FGFR1OP2: variants seen among roughly 807,000 people sequenced by gnomAD.
FGFR1OP2 encodes FGFR1 oncogene partner 2, also known as fibroblast growth factor receptor 1 oncogene partner 2.
A neutral mutation model predicts 35.2 loss-of-function variants in FGFR1OP2; 17 were observed. The observed-to-expected ratio is 0.48, with a 90% CI of 0.33 to 0.73. FGFR1OP2 has a LOEUF of 0.73. Ranked by LOEUF, FGFR1OP2 falls within the 30% of genes least tolerant of loss-of-function variation. The pLI is 0.02. For synonymous variants in FGFR1OP2, 105 were observed against 104.6 expected (o/e 1.00, Z -0.03); for missense variants, 251 against 307.3 (o/e 0.82, Z 1.37).
chr12:26,960,760 C>T (rs1320926625), intron 5 of FGFR1OP2, 132 bp downstream of exon 5: 2 of 1,349,072 alleles, frequency 1.5e-6, no homozygotes, highest in East Asian at 2.7e-5. Flanking sequence ...AATGTTGTGT[C>T]TTTAATAGCC....
chr12:26,951,727 A>G (rs1404970018), intron 1 of FGFR1OP2, among the ~76,000 whole-genome samples: 1 of 152,200 alleles, frequency 6.6e-6, no homozygotes, highest in Non-Finnish European at 1.5e-5. Context: ...TTATGTAGGA[A>G]GACTATCTAG....
chr12:26,946,850 C>G lies in FGFR1OP2; in HGVS notation c.-14-7295C>G, dbSNP rs11048781. Among the ~76,000 whole-genome samples, 1,198 of 152,286 alleles carry G rather than the reference C, an allele frequency of 7.9e-3. 17 individuals are homozygous for G. The highest frequency in any genetic ancestry group is 0.026 in the African/African-American group (1,100 of 41,548). On this transcript the variant is annotated intron_variant, in intron 1 of 6. Transcript: ENST00000229395. The stretch of plus-strand genomic sequence containing the variant: ...TTCCTCCTTCCTTTTCCTAATCCCT[C>G]AGTCCTAGACATCCACTAATCTACT...
chr12:26,945,957 A>T (rs1040181126), intron 1 of FGFR1OP2, among the ~76,000 whole-genome samples: 5 of 152,094 alleles, frequency 3.3e-5, no homozygotes, highest in Admixed American at 3.3e-4. Context: ...TATCCTCATG[A>T]ATATCTTGAG....
intron 1 of FGFR1OP2, among the ~76,000 whole-genome samples, chr12:26,939,268 C>T (rs992198283): frequency 5.9e-5 from 9 of 151,824 alleles, no homozygotes; most frequent in Non-Finnish European, 1.3e-4. Context: ...GTGCGGTTGC[C>T]CCCTCTGCCC....
In FGFR1OP2 at chr12:26,965,775, G is replaced by A. The variant is rs142600914; in HGVS notation, c.*1042G>A. ...TTAAAACCTTTCAGCTGAAAGTGGG[G>A]GTAAAGGTGGAGTAATCTGTGGATT... On this transcript the variant is annotated 3_prime_UTR_variant, in exon 7 of 7. Transcript: ENST00000229395. 2.7e-3 allele frequency: 405 copies of A among 152,014 alleles called. 2 individuals are homozygous for A. The highest frequency in any genetic ancestry group is 9.3e-3 in the African/African-American group (386 of 41,518). 9.4% of individuals were successfully genotyped at this position (152,014 alleles called of 1,614,324 possible). A position where few individuals can be genotyped will look rare whatever the true frequency, so the allele number is the denominator to read the frequency against.
chr12:26,956,500 A>G, intron 2 of FGFR1OP2, 43 bp from the exon 3 acceptor site: 1 of 494,398 alleles, frequency 2.0e-6, no homozygotes. Flanking sequence ...ATATATATAT[A>G]TTTGCAGGTA....
At chr12:26,962,468 A>G (rs561082369) in intron 5 of FGFR1OP2, 2 of 152,270 alleles carry the variant, frequency 1.3e-5, no homozygotes, top group South Asian at 4.1e-4. Context: ...AATACCTCTC[A>G]GTTGCTGTGA....
At chr12:26,961,942 C>G (rs1939111128) in intron 5 of FGFR1OP2, 1 of 152,162 alleles carries the variant, frequency 6.6e-6, no homozygotes, top group African/African-American at 2.4e-5. Context: ...TAATGGTTAA[C>G]TTGCAGAATA....
In FGFR1OP2 at chr12:26,944,001, T is replaced by C. The variant is rs546308427; in HGVS notation, c.-15+5291T>C. ...GTGCCCAGGAATCTCAGGGTTTGTTTTTTGTGTTTTTTTGTTGTTGTTGTT... is the reference window on the plus strand; with the variant it reads ...GTGCCCAGGAATCTCAGGGTTTGTTCTTTGTGTTTTTTTGTTGTTGTTGTT... On this transcript the variant is annotated intron_variant, in intron 1 of 6. Coordinates refer to ENST00000229395, the MANE Select transcript of FGFR1OP2 (RefSeq NM_015633.3). Among the ~76,000 whole-genome samples, 3 of 152,312 alleles carry C rather than the reference T, an allele frequency of 2.0e-5. No individual in the cohort carries two copies. In the South Asian group the frequency reaches 6.2e-4, roughly 32 times the overall value.
intron 1 of FGFR1OP2, among the ~76,000 whole-genome samples, chr12:26,946,536 C>T (rs1368560534): frequency 6.6e-6 from 1 of 152,056 alleles, no homozygotes; most frequent in Non-Finnish European, 1.5e-5. Context: ...GTTCTGGAAC[C>T]CCTGGCTTCA....
chr12:26,940,122 A>G (rs1488430352), intron 1 of FGFR1OP2, among the ~76,000 whole-genome samples: 1 of 152,254 alleles, frequency 6.6e-6, no homozygotes, highest in Non-Finnish European at 1.5e-5. Context: ...GACTACAGAC[A>G]GTGCTTGGAG....
At chr12:26,955,383 G>T (rs1293158249) in intron 2 of FGFR1OP2, among the ~76,000 whole-genome samples, 1 of 152,082 alleles carries the variant, frequency 6.6e-6, no homozygotes. Flanking sequence ...CAGTTCATTG[G>T]ATTTTAGTAC....
chr12:26,952,870 G>A (rs539298890), intron 1 of FGFR1OP2, among the ~76,000 whole-genome samples: 1 of 152,224 alleles, frequency 6.6e-6, no homozygotes, highest in South Asian at 2.1e-4. Flanking sequence ...TTCTGTAGAC[G>A]TGGCTTCTGG....
intron 1 of FGFR1OP2, among the ~76,000 whole-genome samples, chr12:26,950,324 G>A (rs902401247): frequency 2.1e-5 from 3 of 142,326 alleles, no homozygotes; most frequent in East Asian, 2.3e-4. Flanking sequence ...CCGGGTTCAC[G>A]CTATTCTCCT....
intron 1 of FGFR1OP2, among the ~76,000 whole-genome samples, chr12:26,939,892 A>G (rs1938698651): frequency 1.3e-5 from 2 of 152,360 alleles, no homozygotes; most frequent in South Asian, 4.1e-4. Context: ...TTAAAATCAT[A>G]GAATTTTGGG....
intron 1 of FGFR1OP2, chr12:26,953,732 G>A (rs1938974744): frequency 6.6e-6 from 1 of 152,560 alleles, no homozygotes; most frequent in Non-Finnish European, 1.5e-5. Flanking sequence ...TACAGTCAAA[G>A]TTTTCAGACA....
chr12:26,941,637 C>T (rs1038471512), intron 1 of FGFR1OP2, among the ~76,000 whole-genome samples: 1 of 152,150 alleles, frequency 6.6e-6, no homozygotes. Flanking sequence ...TTAATTACAA[C>T]TTTAAAAAGC....
In FGFR1OP2 at chr12:26,964,736, A is replaced by C; in HGVS notation, c.*3A>C. ...ATTTGAGTCTGAGGAAGAGCTGAAG[A>C]GTTTCTGAGTCTGTGAGCTTCTTAC... On this transcript the variant is annotated 3_prime_UTR_variant, in exon 7 of 7. Coordinates refer to ENST00000229395, the MANE Select transcript of FGFR1OP2 (RefSeq NM_015633.3). 1.2e-6 allele frequency: 2 copies of C among 1,608,038 alleles called. No homozygotes were observed. Among genetic ancestry groups the C allele is most frequent in the Non-Finnish European group, 1.7e-6 (2 of 1,176,948 alleles).
At position 26,947,349 on chromosome 12, in the gene FGFR1OP2, A is replaced by G. The variant is rs79195111; in HGVS notation, c.-14-6796A>G. On this transcript the variant is annotated intron_variant, in intron 1 of 6. Transcript: ENST00000229395. ...GGCTAGTTATGTTGAGCATGTTTTC[A>G]TGTTCTTATTAGCCCTCTGGTTTTC... is the stretch of plus-strand genomic sequence containing the variant. Among the ~76,000 whole-genome samples, 15 of 152,238 alleles carry G rather than the reference A, an allele frequency of 9.9e-5. No individual in the cohort carries two copies. In the East Asian group the frequency reaches 2.7e-3, roughly 27 times the overall value.
Sources: allele counts gnomAD v4.1 joint callset (sites outside exome capture counted in the v4.1 genomes callset), GRCh38; gene constraint gnomAD v4.1.1; transcripts MANE v1.5; gene names NCBI Gene and HGNC (gene_info 2026-07-23, HGNC 2026-07-21).